CAMKMT: variants seen among roughly 807,000 people sequenced by gnomAD.
CAMKMT encodes the protein calmodulin-lysine N-methyltransferase, also known as CaM KMT.
A neutral mutation model predicts 48.0 loss-of-function variants in CAMKMT; 53 were observed. The observed-to-expected ratio is 1.10, with a 90% CI of 0.89 to 1.39. The LOEUF is 1.39. CAMKMT is among the 40% of genes most tolerant of loss of function. The pLI, the probability that CAMKMT is intolerant of heterozygous loss-of-function variation, is 0.00. For synonymous variants in CAMKMT, 165 were observed against 152.3 expected, an observed-to-expected ratio of 1.08 and a Z score of -0.61; for missense variants, 428 against 402.7, an observed-to-expected ratio of 1.06 and a Z score of -0.54.
chr2:44,402,513 A>G (rs1400256294), intron 3 of CAMKMT, among the ~76,000 whole-genome samples: 2 of 151,894 alleles, frequency 1.3e-5, no homozygotes, highest in East Asian at 1.9e-4. Flanking sequence ...CCAATATTTT[A>G]TGATAAAATA....
intron 3 of CAMKMT, among the ~76,000 whole-genome samples, chr2:44,469,066 T>G (rs1348323106): frequency 6.6e-6 from 1 of 152,162 alleles, no homozygotes; most frequent in South Asian, 2.1e-4. Flanking sequence ...GGTTGGTTAA[T>G]GTATACAATA....
chr2:44,705,691 G>A (rs1002902396), intron 4 of CAMKMT, among the ~76,000 whole-genome samples: 5 of 152,040 alleles, frequency 3.3e-5, no homozygotes, highest in Non-Finnish European at 7.4e-5. Flanking sequence ...GTTGTGTTGG[G>A]GTCAATTGTG....
intron 3 of CAMKMT, among the ~76,000 whole-genome samples, chr2:44,563,642 G>A (rs1190514260): frequency 6.6e-6 from 1 of 151,528 alleles, no homozygotes; most frequent in African/African-American, 2.4e-5. Context: ...CCCCATGACA[G>A]GCCCTGGTGT....
chr2:44,760,794 A>G (rs1680586430), intron 9 of CAMKMT, among the ~76,000 whole-genome samples: 1 of 152,104 alleles, frequency 6.6e-6, no homozygotes, highest in Admixed American at 6.5e-5. Context: ...GGAGAGCTTG[A>G]AAGCAATGAA....
intron 3 of CAMKMT, among the ~76,000 whole-genome samples, chr2:44,454,430 A>T (rs768171638): frequency 6.6e-6 from 1 of 152,112 alleles, no homozygotes; most frequent in African/African-American, 2.4e-5. Flanking sequence ...TAAACTAAAT[A>T]TATAGCAGTG....
At chr2:44,478,645 G>A (rs1250176490) in intron 3 of CAMKMT, among the ~76,000 whole-genome samples, 3 of 151,522 alleles carry the variant, frequency 2.0e-5, no homozygotes, top group African/African-American at 7.3e-5. Flanking sequence ...CAAAGGGAAG[G>A]TGTCATTTTC....
intron 8 of CAMKMT, among the ~76,000 whole-genome samples, chr2:44,751,390 A>G (rs918670321): frequency 6.6e-6 from 1 of 152,178 alleles, no homozygotes; most frequent in East Asian, 1.9e-4. Context: ...AGCCCTGCCA[A>G]TTAGTAGCTG....
intron 3 of CAMKMT, among the ~76,000 whole-genome samples, chr2:44,604,051 G>A (rs767864197): frequency 1.3e-5 from 2 of 152,268 alleles, no homozygotes; most frequent in African/African-American, 2.4e-5. Flanking sequence ...CATCTAATAA[G>A]TATTCAGTAA....
intron 3 of CAMKMT, among the ~76,000 whole-genome samples, chr2:44,538,550 C>A (rs1039224943): frequency 6.6e-6 from 1 of 151,988 alleles, no homozygotes; most frequent in African/African-American, 2.4e-5. Flanking sequence ...TTTATTCTCA[C>A]TTATAAGTGG....
At chr2:44,452,096 C>G (rs751326542) in intron 3 of CAMKMT, among the ~76,000 whole-genome samples, 11 of 151,838 alleles carry the variant, frequency 7.2e-5, no homozygotes, top group Non-Finnish European at 1.5e-4. Context: ...GTTTAAAAAG[C>G]TAACTTAGGC....
At chr2:44,738,954 T>C (rs749990759) in intron 7 of CAMKMT, among the ~76,000 whole-genome samples, 1 of 152,122 alleles carries the variant, frequency 6.6e-6, no homozygotes, top group African/African-American at 2.4e-5. Context: ...CAGCCAGTAT[T>C]AAGACCCTAG....
At chr2:44,688,055 G>A (rs1272423622) in intron 3 of CAMKMT, among the ~76,000 whole-genome samples, 1 of 152,156 alleles carries the variant, frequency 6.6e-6, no homozygotes, top group Non-Finnish European at 1.5e-5. Context: ...CATCTACAAT[G>A]GTACGTAAAT....
intron 3 of CAMKMT, among the ~76,000 whole-genome samples, chr2:44,642,280 T>A (rs1285325780): frequency 6.6e-6 from 1 of 152,146 alleles, no homozygotes; most frequent in Non-Finnish European, 1.5e-5. Context: ...ACCTAAAAGA[T>A]AAGCAAAGAA....
At chr2:44,693,272 A>G (rs1271906268) in intron 3 of CAMKMT, among the ~76,000 whole-genome samples, 1 of 152,182 alleles carries the variant, frequency 6.6e-6, no homozygotes, top group Non-Finnish European at 1.5e-5. Flanking sequence ...TGCTGCCTAA[A>G]ACGTATCATT....
At chr2:44,372,498 A>C (rs1679279376) in intron 1 of CAMKMT, among the ~76,000 whole-genome samples, 1 of 152,090 alleles carries the variant, frequency 6.6e-6, no homozygotes, top group South Asian at 2.1e-4. Context: ...CAGACTTGTA[A>C]ATCTTCACTG....
chr2:44,600,143 A>T (rs1442653817), intron 3 of CAMKMT, among the ~76,000 whole-genome samples: 1 of 152,118 alleles, frequency 6.6e-6, no homozygotes, highest in African/African-American at 2.4e-5. Context: ...ATGGGAAAAG[A>T]TATTGATCTT....
chr2:44,768,875 C>G (rs1056916520), intron 10 of CAMKMT, among the ~76,000 whole-genome samples: 3 of 152,172 alleles, frequency 2.0e-5, no homozygotes, highest in African/African-American at 7.2e-5. Context: ...TGCGTGTTAT[C>G]CTCTTAGCCC....
At chr2:44,394,350 T>G (rs1271387677) in intron 3 of CAMKMT, among the ~76,000 whole-genome samples, 1 of 152,044 alleles carries the variant, frequency 6.6e-6, no homozygotes, top group African/African-American at 2.4e-5. Flanking sequence ...CTGGAGGAAT[T>G]TGTAGACCCT....
chr2:44,591,414 T>C (rs1670263028), intron 3 of CAMKMT, among the ~76,000 whole-genome samples: 1 of 152,054 alleles, frequency 6.6e-6, no homozygotes, highest in Non-Finnish European at 1.5e-5. Flanking sequence ...TTTGTTTGTA[T>C]CCTCTTTTAT....
Sources: allele counts gnomAD v4.1 joint callset (sites outside exome capture counted in the v4.1 genomes callset), GRCh38; gene constraint gnomAD v4.1.1; transcripts MANE v1.5; gene names NCBI Gene and HGNC (gene_info 2026-07-23, HGNC 2026-07-21).